PUDP: variants seen among roughly 807,000 people sequenced by gnomAD.
PUDP encodes the protein pseudouridine 5'-phosphatase, also known as pseudouridine-5'-phosphatase.
PUDP carries 8 observed loss-of-function variants against 9.4 expected under a neutral mutation model. That is an observed-to-expected ratio of 0.85 (90% CI 0.50 to 1.53). PUDP has a LOEUF of 1.53. Among genes scored for constraint, PUDP ranks in the 40% most tolerant of loss-of-function variants. PUDP has a pLI of 0.00. For synonymous variants in PUDP, 99 were observed against 80.7 expected, an observed-to-expected ratio of 1.23 and a Z score of -1.22; for missense variants, 188 against 189.7, an observed-to-expected ratio of 0.99 and a Z score of 0.05.
chrX:6,754,669 A>G (rs1050574784), intron 3 of PUDP, among the ~76,000 whole-genome samples: 3 of 109,584 alleles, frequency 2.7e-5, no homozygotes, highest in African/African-American at 9.9e-5. Context: ...ATAGCTTTAT[A>G]CATAATTTAG....
intron 3 of PUDP, among the ~76,000 whole-genome samples, chrX:6,904,251 C>A: frequency 9.0e-6 from 1 of 110,512 alleles, no homozygotes; most frequent in Non-Finnish European, 1.9e-5. Flanking sequence ...CACGGCTGGC[C>A]CTAAAATAAT....
chrX:6,743,356 T>C (rs1353887612), intron 3 of PUDP, among the ~76,000 whole-genome samples: 1 of 111,671 alleles, frequency 9.0e-6, no homozygotes, highest in Non-Finnish European at 1.9e-5. Context: ...CAGGCTAACA[T>C]TGACTTAGTG....
At chrX:7,122,789 C>A (rs1932379328) in intron 1 of PUDP, among the ~76,000 whole-genome samples, 1 of 112,470 alleles carries the variant, frequency 8.9e-6, no homozygotes, top group South Asian at 3.7e-4. Context: ...GTCAAACTCA[C>A]TTGAGATTAT....
chrX:6,924,549 T>C (rs1285545887), intron 3 of PUDP, among the ~76,000 whole-genome samples: 3 of 112,192 alleles, frequency 2.7e-5, no homozygotes, highest in African/African-American at 9.7e-5. Context: ...TAAAATTCAT[T>C]TATGTTTCAT....
At chrX:7,013,170 C>T (rs1170018127) in intron 1 of PUDP, among the ~76,000 whole-genome samples, 1 of 112,115 alleles carries the variant, frequency 8.9e-6, no homozygotes, top group Non-Finnish European at 1.9e-5. Flanking sequence ...ACAGTGAATG[C>T]TCTGACCCAG....
intron 3 of PUDP, among the ~76,000 whole-genome samples, chrX:6,957,536 AG>A (rs1293344960): frequency 1.3e-4 from 14 of 111,830 alleles, no homozygotes; most frequent in African/African-American, 4.5e-4. Context: ...CAGAATTGTG[AG>A]CCAATAAATT....
chrX:7,115,913 G>C (rs1185766525), intron 1 of PUDP, among the ~76,000 whole-genome samples: 1 of 112,561 alleles, frequency 8.9e-6, no homozygotes, highest in Non-Finnish European at 1.9e-5. Flanking sequence ...TCTGCTCAAA[G>C]CATCCTAGTG....
chrX:7,094,043 A>T (rs1345339840), intron 2 of PUDP, among the ~76,000 whole-genome samples: 1 of 111,525 alleles, frequency 9.0e-6, no homozygotes, highest in Non-Finnish European at 1.9e-5. Flanking sequence ...TGGGGGGATC[A>T]CTTGAGCCAG....
At chrX:6,937,786 G>T (rs1928329838) in intron 3 of PUDP, among the ~76,000 whole-genome samples, 1 of 71,367 alleles carries the variant, frequency 1.4e-5, no homozygotes, top group Non-Finnish European at 2.6e-5. Flanking sequence ...AAATTTACAA[G>T]AAAAAAACAA....
At chrX:7,072,508 G>A (rs1450404926) in intron 3 of PUDP, among the ~76,000 whole-genome samples, 2 of 111,519 alleles carry the variant, frequency 1.8e-5, no homozygotes, top group Non-Finnish European at 3.8e-5. Context: ...AGTAGTGATG[G>A]CTAGGCTGTA....
At chrX:6,781,896 T>C (rs1235396695) in intron 3 of PUDP, among the ~76,000 whole-genome samples, 1 of 112,395 alleles carries the variant, frequency 8.9e-6, no homozygotes, top group Non-Finnish European at 1.9e-5. Flanking sequence ...CTCTGTTCTT[T>C]TGGTGGTTAT....
At chrX:6,868,291 A>C (rs1020724998) in intron 3 of PUDP, among the ~76,000 whole-genome samples, 1 of 112,172 alleles carries the variant, frequency 8.9e-6, no homozygotes, top group African/African-American at 3.2e-5. Context: ...ATGGCCAAGA[A>C]AGACCTCTCA....
intron 3 of PUDP, among the ~76,000 whole-genome samples, chrX:6,805,103 C>CA (rs1926028361): frequency 9.1e-6 from 1 of 109,493 alleles, no homozygotes; most frequent in African/African-American, 3.3e-5. Context: ...CTCATCTCTA[C>CA]AAAAAATATC....
intron 3 of PUDP, among the ~76,000 whole-genome samples, chrX:6,820,207 C>T (rs1040397605): frequency 7.3e-5 from 8 of 109,791 alleles, no homozygotes; most frequent in South Asian, 4.0e-4. Flanking sequence ...GAGAATAGCA[C>T]GGGAAAAAGA....
chrX:6,851,404 T>C (rs761559930), intron 3 of PUDP, among the ~76,000 whole-genome samples: 2 of 111,388 alleles, frequency 1.8e-5, no homozygotes, highest in African/African-American at 3.3e-5. Context: ...AGGTGGCACT[T>C]TGTCATTGTT....
chrX:7,132,359 A>T (rs1345606999), intron 1 of PUDP, among the ~76,000 whole-genome samples: 1 of 112,226 alleles, frequency 8.9e-6, no homozygotes, highest in East Asian at 2.8e-4. Context: ...ATCTGAATGG[A>T]GCCACCTAAA....
At chrX:6,998,478 T>A (rs1199858228) in intron 1 of PUDP, among the ~76,000 whole-genome samples, 1 of 110,131 alleles carries the variant, frequency 9.1e-6, no homozygotes, top group Non-Finnish European at 1.9e-5. Flanking sequence ...AGAAAAATAA[T>A]CAGGGCAATT....
intron 3 of PUDP, among the ~76,000 whole-genome samples, chrX:6,729,708 C>T (rs898011757): frequency 1.8e-5 from 2 of 111,312 alleles, no homozygotes; most frequent in South Asian, 3.8e-4. Context: ...TTTCTGCCTT[C>T]GTTACACGCC....
At chrX:7,041,138 G>A (rs1053155330) in intron 1 of PUDP, among the ~76,000 whole-genome samples, 27 of 111,766 alleles carry the variant, frequency 2.4e-4, no homozygotes, top group African/African-American at 7.8e-4. Flanking sequence ...TAATGACGAC[G>A]TCTCACAATG....
Sources: gnomAD v4.1 joint callset for allele counts (sites outside exome capture counted in the v4.1 genomes callset) on GRCh38, gnomAD v4.1.1 for gene constraint, MANE v1.5 for transcripts, NCBI Gene and HGNC (gene_info 2026-07-23, HGNC 2026-07-21) for gene names.